SNTG2: variants seen among roughly 807,000 people sequenced by gnomAD.
The protein encoded by SNTG2 is syntrophin gamma 2, also known as gamma-2-syntrophin.
A neutral mutation model predicts 70.9 loss-of-function variants in SNTG2; 74 were observed. The observed-to-expected ratio is 1.04, with a 90% CI of 0.86 to 1.27. The LOEUF (loss-of-function observed/expected upper bound fraction) is 1.27. SNTG2 is among the 50% of genes most tolerant of loss of function. The probability of loss-of-function intolerance (pLI) is 0.00; values close to 1 mark genes in which losing one functional copy is unlikely to be tolerated. For missense variants in SNTG2, 717 were observed against 690.7 expected, an observed-to-expected ratio of 1.04 and a Z score of -0.43; for synonymous variants, 278 against 273.8, an observed-to-expected ratio of 1.02 and a Z score of -0.15.
chr2:1,154,984 C>T (rs1467269333), intron 6 of SNTG2, among the ~76,000 whole-genome samples: 1 of 120,290 alleles, frequency 8.3e-6, no homozygotes, highest in Non-Finnish European at 1.9e-5. Context: ...ACCACATACA[C>T]CACACATATA....
At position 1,307,698 on chromosome 2, in the gene SNTG2, C is replaced by T. The variant is rs144282045; in HGVS notation, c.1285-796C>T. Among the ~76,000 whole-genome samples the T allele has an allele frequency of 2.5e-3, 376 of 152,306 alleles. 1 individual carries two copies. Among genetic ancestry groups the T allele is most frequent in the African/African-American group, 8.4e-3 (347 of 41,546 alleles). The stretch of plus-strand genomic sequence containing the variant: ...ATAACTTTTACCAAGTTATTAGGGT[C>T]CCTGCTTCTTTCGTCTGGAGTCGCA... On this transcript the variant is annotated intron_variant, in intron 14 of 16. Transcript: ENST00000308624.
At chr2:1,302,460 A>G (rs1680495098) in intron 14 of SNTG2, among the ~76,000 whole-genome samples, 1 of 151,862 alleles carries the variant, frequency 6.6e-6, no homozygotes. Context: ...TGTGTATACA[A>G]CTGCGTATAG....
intron 14 of SNTG2, among the ~76,000 whole-genome samples, chr2:1,274,027 A>G (rs1015389651): frequency 2.6e-5 from 4 of 152,236 alleles, no homozygotes; most frequent in Non-Finnish European, 5.9e-5. Flanking sequence ...TAGATGGGAA[A>G]TAGGTAGGTT....
At chr2:1,066,645 A>C (rs1486807104) in intron 1 of SNTG2, among the ~76,000 whole-genome samples, 1 of 152,056 alleles carries the variant, frequency 6.6e-6, no homozygotes, top group Non-Finnish European at 1.5e-5. Context: ...ACTTTTTGTC[A>C]CACATCACAA....
At chr2:981,392 G>T (rs1056630640) in intron 1 of SNTG2, among the ~76,000 whole-genome samples, 1 of 151,788 alleles carries the variant, frequency 6.6e-6, no homozygotes, top group Admixed American at 6.6e-5. Flanking sequence ...GTATACAAAC[G>T]CATGCATGTG....
intron 16 of SNTG2, among the ~76,000 whole-genome samples, chr2:1,366,123 A>G (rs1248841402): frequency 1.3e-5 from 2 of 152,212 alleles, no homozygotes; most frequent in Non-Finnish European, 2.9e-5. Context: ...AATATGCTAG[A>G]ATTTTGGTGA....
intron 1 of SNTG2, among the ~76,000 whole-genome samples, chr2:953,717 T>C (rs1660054531): frequency 6.6e-6 from 1 of 152,236 alleles, no homozygotes; most frequent in African/African-American, 2.4e-5. Flanking sequence ...TGGAGACATG[T>C]TCCCCAGTAA....
rs570126773 is a variant in SNTG2 at position 1,114,553 on chromosome 2, T to A, written c.325+16143T>A. 1.3e-5 allele frequency among the ~76,000 whole-genome samples: 2 copies of A among 148,922 alleles called. 1 individual carries two copies. Among genetic ancestry groups the A allele is most frequent in the East Asian group, 3.9e-4 (2 of 5,152 alleles). ...TTACAGTCCTTTGAGAAGGATCTTCTCTACTAAGTGAGGTTTAACCCTTAG... is the reference window on the plus strand; with the variant it reads ...TTACAGTCCTTTGAGAAGGATCTTCACTACTAAGTGAGGTTTAACCCTTAG... On this transcript the variant is annotated intron_variant, in intron 4 of 16. Transcript: ENST00000308624.
intron 7 of SNTG2, among the ~76,000 whole-genome samples, chr2:1,169,106 G>C (rs548004986): frequency 6.6e-6 from 1 of 152,290 alleles, no homozygotes; most frequent in South Asian, 2.1e-4. Flanking sequence ...TCACTTGTGA[G>C]GGGGCAGCGT....
chr2:1,075,043 G>A (rs1007546455), intron 1 of SNTG2, among the ~76,000 whole-genome samples: 4 of 152,178 alleles, frequency 2.6e-5, no homozygotes, highest in Non-Finnish European at 5.9e-5. Flanking sequence ...TGACTATACA[G>A]AATGGACCAT....
chr2:1,164,778 G>A (rs1294062321), intron 6 of SNTG2, among the ~76,000 whole-genome samples: 1 of 152,062 alleles, frequency 6.6e-6, no homozygotes, highest in Non-Finnish European at 1.5e-5. Flanking sequence ...GTAGGAACTT[G>A]CCCAAACTGT....
At chr2:1,293,431 T>C (rs1373603011) in intron 14 of SNTG2, among the ~76,000 whole-genome samples, 1 of 152,120 alleles carries the variant, frequency 6.6e-6, no homozygotes, top group Non-Finnish European at 1.5e-5. Context: ...TTTTCTAGTT[T>C]CTTAAGGTTA....
chr2:1,285,720 A>G (rs1679736931), intron 14 of SNTG2, among the ~76,000 whole-genome samples: 7 of 152,194 alleles, frequency 4.6e-5, no homozygotes, highest in Admixed American at 4.6e-4. Flanking sequence ...GCTGGTATTA[A>G]TGACTTCCTT....
At chr2:1,267,764 G>C (rs1286216748) in intron 14 of SNTG2, among the ~76,000 whole-genome samples, 193 bp downstream of exon 14, 2 of 152,186 alleles carry the variant, frequency 1.3e-5, no homozygotes, top group Non-Finnish European at 2.9e-5. Flanking sequence ...GAGCTGTAGT[G>C]GAAGGGAAGG....
intron 7 of SNTG2, among the ~76,000 whole-genome samples, chr2:1,167,113 T>C (rs72490790): frequency 6.6e-6 from 1 of 152,214 alleles, no homozygotes; most frequent in African/African-American, 2.4e-5. Context: ...GAGGGTCTAA[T>C]TGAGCTGATT....
intron 2 of SNTG2, among the ~76,000 whole-genome samples, chr2:1,095,956 C>T (rs1665857731): frequency 6.6e-6 from 1 of 152,168 alleles, no homozygotes; most frequent in Non-Finnish European, 1.5e-5. Context: ...GCCTTTCTCC[C>T]CACTCCCTCA....
intron 1 of SNTG2, among the ~76,000 whole-genome samples, chr2:978,035 C>G (rs1322709179): frequency 6.6e-6 from 1 of 152,186 alleles, no homozygotes; most frequent in Non-Finnish European, 1.5e-5. Context: ...TTTATTCATA[C>G]TTGTTTCCTT....
At chr2:1,350,150 C>T (rs185541321) in intron 16 of SNTG2, among the ~76,000 whole-genome samples, 2 of 152,186 alleles carry the variant, frequency 1.3e-5, no homozygotes, top group East Asian at 1.9e-4. Context: ...GACATTGCAT[C>T]CCCCTCCCTG....
intron 16 of SNTG2, among the ~76,000 whole-genome samples, chr2:1,326,224 C>T (rs1558209958): frequency 1.3e-5 from 2 of 152,108 alleles, no homozygotes; most frequent in African/African-American, 4.8e-5. Context: ...GTTAAAACGA[C>T]TTTTTATGTG....
Sources: allele counts gnomAD v4.1 joint callset (sites outside exome capture counted in the v4.1 genomes callset), GRCh38; gene constraint gnomAD v4.1.1; transcripts MANE v1.5; gene names NCBI Gene and HGNC (gene_info 2026-07-23, HGNC 2026-07-21).